Variants in TSPAN3 observed in about 807,000 individuals in gnomAD.
TSPAN3 encodes tetraspanin-3.
TSPAN3 carries 9 observed loss-of-function variants against 31.1 expected under a neutral mutation model. That is an observed-to-expected ratio of 0.29 (90% CI 0.17 to 0.50). TSPAN3 has a LOEUF of 0.50. TSPAN3 is among the 20% of genes least tolerant of loss of function. TSPAN3 has a pLI of 0.98. For missense variants in TSPAN3, 252 were observed against 313.5 expected (o/e 0.80, Z 1.48); for synonymous variants, 129 against 114.3 (o/e 1.13, Z -0.82).
intron 1 of TSPAN3, among the ~76,000 whole-genome samples, chr15:77,057,909 C>T (rs1460721141): frequency 6.6e-6 from 1 of 152,164 alleles, no homozygotes; most frequent in Non-Finnish European, 1.5e-5. Flanking sequence ...ACCCTTTCTG[C>T]CTTCCTGCCC....
At position 77,053,490 on chromosome 15, in the gene TSPAN3, A is replaced by AAAT. The variant is rs2076746466; in HGVS notation, c.433-562_433-561insATT. On this transcript the variant is annotated intron_variant, in intron 4 of 6. Coordinates refer to ENST00000267970, the MANE Select transcript of TSPAN3 (RefSeq NM_005724.6). Reference sequence around the variant, plus strand: ...AAAAAAAAAAAAAAAAAAAAAAAAAAAAAAGAAAAGAAAAGTACATTGCCT... The same window carrying AAAT: ...AAAAAAAAAAAAAAAAAAAAAAAAAAAATAAAAGAAAAGAAAAGTACATTGCCT... 2.3e-5 allele frequency among the ~76,000 whole-genome samples: 3 copies of AAAT among 131,242 alleles called. No individual in the cohort carries two copies. In the Admixed American group the frequency reaches 2.3e-4, roughly 10 times the overall value. 86.1% of individuals were successfully genotyped at this position (131,242 alleles called of 152,430 possible).
chr15:77,064,670 TGAAGACAAAC>T (rs775834924), intron 1 of TSPAN3: 7 of 152,240 alleles, frequency 4.6e-5, no homozygotes, highest in Admixed American at 1.3e-4. Flanking sequence ...TCTTAACTGT[TGAAGACAAAC>T]TAAGACAGAC....
chr15:77,070,547 T>G (rs1462671273), intron 1 of TSPAN3, among the ~76,000 whole-genome samples: 1 of 151,774 alleles, frequency 6.6e-6, no homozygotes, highest in Admixed American at 6.5e-5. Context: ...CCTGCTACAG[T>G]CTGCAATAAG....
At chr15:77,069,508 T>C (rs2076853786) in intron 1 of TSPAN3, among the ~76,000 whole-genome samples, 1 of 152,214 alleles carries the variant, frequency 6.6e-6, no homozygotes, top group South Asian at 2.1e-4. Context: ...AACACTGCTC[T>C]AATTGGAAAA....
chr15:77,062,029 T>G (rs2076803958), intron 1 of TSPAN3, among the ~76,000 whole-genome samples: 1 of 152,224 alleles, frequency 6.6e-6, no homozygotes, highest in Admixed American at 6.5e-5. Context: ...TGCTGTACTC[T>G]AGACTTTGTA....
chr15:77,045,639 C>T lies in TSPAN3; in HGVS notation c.*1196G>A, dbSNP rs1478189613. The T allele has an allele frequency of 6.6e-6, 1 of 152,372 alleles. No individual in the cohort carries two copies. Among genetic ancestry groups the T allele is most frequent in the East Asian group, 1.9e-4 (1 of 5,214 alleles). 9.4% of individuals were successfully genotyped at this position (152,372 alleles called of 1,614,324 possible). On this transcript the variant is annotated 3_prime_UTR_variant, in exon 7 of 7. Transcript: ENST00000267970. ...CATCTTTCAACAAAGCCTATCCAGC[C>T]TCCAAGCTTGGGCATCTCCTCCAGG...
chr15:77,068,806 G>A (rs1370141790), intron 1 of TSPAN3, among the ~76,000 whole-genome samples: 8 of 152,182 alleles, frequency 5.3e-5, no homozygotes, highest in African/African-American at 1.9e-4. Flanking sequence ...TCCCTGTAAA[G>A]GACATGATCT....
rs553237483 is a variant in TSPAN3 at position 77,054,100 on chromosome 15, C to T, written c.432+78G>A. On this transcript the variant is annotated intron_variant, in intron 4 of 6. Transcript: ENST00000267970. The stretch of plus-strand genomic sequence containing the variant: ...TATGTGAAGAAACATGGCTAATTTA[C>T]ACAGAAATAGCAGTTAGTTTAATGT... 1.4e-5 allele frequency: 14 copies of T among 1,014,846 alleles called. No individual in the cohort carries two copies. In the South Asian group the frequency reaches 1.8e-4, roughly 13 times the overall value. 62.9% of individuals were successfully genotyped at this position (1,014,846 alleles called of 1,614,324 possible). A position where few individuals can be genotyped will look rare whatever the true frequency, so the allele number is the denominator to read the frequency against.
At chr15:77,054,302 G>C (rs1194412244) in intron 3 of TSPAN3, 23 bp from the exon 4 acceptor site, 1 of 1,546,084 alleles carries the variant, frequency 6.5e-7, no homozygotes, top group Admixed American at 1.7e-5. Context: ...AAAGAATTCA[G>C]TCCCTCAAAA....
At chr15:77,060,041 G>A (rs2076791281) in intron 1 of TSPAN3, among the ~76,000 whole-genome samples, 1 of 152,180 alleles carries the variant, frequency 6.6e-6, no homozygotes, top group Non-Finnish European at 1.5e-5. Context: ...GGAGGGCTGT[G>A]GGGAGATGCC....
At position 77,046,123 on chromosome 15, in the gene TSPAN3, T is replaced by C. The variant is rs2076689479; in HGVS notation, c.*712A>G. 1 of 314,992 alleles carries C rather than the reference T, an allele frequency of 3.2e-6. No individual in the cohort carries two copies. Among genetic ancestry groups the C allele is most frequent in the Non-Finnish European group, 5.8e-6 (1 of 173,386 alleles). The allele number at this position is 314,992 out of a possible 1,614,324, so 19.5% of individuals were successfully genotyped here. On this transcript the variant is annotated 3_prime_UTR_variant, in exon 7 of 7. Transcript: ENST00000267970. The stretch of plus-strand genomic sequence containing the variant: ...TTTGCTAGTCTACATGGGTACATTA[T>C]TTCCAACAAGCTTAAGACTTACCAT...
At chr15:77,065,916 T>TC (rs1348413371) in intron 1 of TSPAN3, among the ~76,000 whole-genome samples, 2 of 152,176 alleles carry the variant, frequency 1.3e-5, no homozygotes, top group African/African-American at 2.4e-5. Context: ...TTTTATACTA[T>TC]CACCTCTCAG....
intron 1 of TSPAN3, among the ~76,000 whole-genome samples, chr15:77,057,726 G>C (rs1030221423): frequency 9.9e-5 from 15 of 152,066 alleles, no homozygotes; most frequent in African/African-American, 2.9e-4. Flanking sequence ...AGATGTTAGT[G>C]ATCTCCAGGA....
chr15:77,051,744 G>C (rs1022110579), intron 6 of TSPAN3, among the ~76,000 whole-genome samples: 4 of 151,724 alleles, frequency 2.6e-5, no homozygotes, highest in African/African-American at 9.7e-5. Context: ...TGTAGTCCCA[G>C]CTACTGGAGA....
intron 4 of TSPAN3, among the ~76,000 whole-genome samples, chr15:77,053,340 A>G (rs377373235): frequency 4.0e-5 from 6 of 151,654 alleles, no homozygotes; most frequent in Admixed American, 3.3e-4. Context: ...TACTAAAAAT[A>G]CAAAGGCTGA....
chr15:77,058,417 G>C (rs186972098), intron 1 of TSPAN3, among the ~76,000 whole-genome samples: 1 of 152,238 alleles, frequency 6.6e-6, no homozygotes, highest in Non-Finnish European at 1.5e-5. Flanking sequence ...CTCTTCAAAT[G>C]CCTGGGAACT....
rs775706257 is a variant in TSPAN3 at position 77,070,846 on chromosome 15, CGCCCGGCCCCGCCGCCGGCCCCTCGCTCT to C, written c.63+17_63+45del. ...CCCACGGGCGCCTCCGCCGCGGCCT[CGCCCGGCCCCGCCGCCGGCCCCTCGCTCT>C]GCCCGGCCCCGCTCACCCAGAAGAT... On this transcript the variant is annotated intron_variant, in intron 1 of 6. Transcript: ENST00000267970. The C allele has an allele frequency of 2.3e-5, 28 of 1,196,762 alleles. No individual in the cohort carries two copies. The highest frequency in any genetic ancestry group is 8.6e-5 in the East Asian group (2 of 23,308). 74.1% of individuals were successfully genotyped at this position (1,196,762 alleles called of 1,614,324 possible).
At chr15:77,060,155 G>C (rs1458271738) in intron 1 of TSPAN3, among the ~76,000 whole-genome samples, 1 of 152,110 alleles carries the variant, frequency 6.6e-6, no homozygotes, top group Non-Finnish European at 1.5e-5. Context: ...ACATAACAAA[G>C]CTCTATTTGG....
chr15:77,070,432 G>A (rs2152698526), intron 1 of TSPAN3, among the ~76,000 whole-genome samples: 1 of 151,872 alleles, frequency 6.6e-6, no homozygotes, highest in Non-Finnish European at 1.5e-5. Flanking sequence ...GCTCCGCAGC[G>A]TCCCCGCGGA....
Sources: gnomAD v4.1 joint callset for allele counts (sites outside exome capture counted in the v4.1 genomes callset) on GRCh38, gnomAD v4.1.1 for gene constraint, MANE v1.5 for transcripts, NCBI Gene and HGNC (gene_info 2026-07-23, HGNC 2026-07-21) for gene names.